Variants in STXBP5L observed in about 807,000 individuals in gnomAD.
STXBP5L encodes syntaxin binding protein 5L.
Under a neutral mutation model 144.5 loss-of-function variants are expected in STXBP5L, and 65 were observed. The observed-to-expected ratio is 0.45, with a 90% CI of 0.37 to 0.55. The LOEUF is 0.55. Among genes scored for constraint, STXBP5L ranks in the 20% least tolerant of loss-of-function variants. The pLI is 0.00. For missense variants in STXBP5L, 1,298 were observed against 1,405.5 expected (o/e 0.92, Z 1.22); for synonymous variants, 505 against 469.6 (o/e 1.08, Z -0.97).
At chr3:120,955,727 C>A (rs1409151688) in intron 3 of STXBP5L, among the ~76,000 whole-genome samples, 1 of 151,954 alleles carries the variant, frequency 6.6e-6, no homozygotes, top group Non-Finnish European at 1.5e-5. Flanking sequence ...ATTATACAAT[C>A]AAGATACAAA....
chr3:121,104,921 G>GA (rs2107793266), intron 5 of STXBP5L, among the ~76,000 whole-genome samples: 1 of 152,194 alleles, frequency 6.6e-6, no homozygotes, highest in East Asian at 1.9e-4. Context: ...CACAGCAAAA[G>GA]AAAAAATCAG....
intron 20 of STXBP5L, among the ~76,000 whole-genome samples, chr3:121,331,914 C>T (rs2108560126): frequency 6.6e-6 from 1 of 152,160 alleles, no homozygotes; most frequent in East Asian, 1.9e-4. Context: ...GCTCACACAC[C>T]AAGCACATTG....
chr3:121,238,195 A>G (rs896098278), intron 12 of STXBP5L, among the ~76,000 whole-genome samples: 18 of 152,134 alleles, frequency 1.2e-4, no homozygotes, highest in African/African-American at 3.6e-4. Context: ...TTTTTTCAAA[A>G]AAAATGTTTA....
At chr3:121,041,579 C>A (rs1011659410) in intron 3 of STXBP5L, 121 bp from the exon 4 acceptor site, 1 of 678,032 alleles carries the variant, frequency 1.5e-6, no homozygotes, top group Non-Finnish European at 2.5e-6. Flanking sequence ...GATTTTTCAA[C>A]TATTTATAAA....
chr3:121,298,651 A>C (rs2108483805), intron 19 of STXBP5L, among the ~76,000 whole-genome samples: 2 of 152,324 alleles, frequency 1.3e-5, no homozygotes, highest in South Asian at 4.1e-4. Flanking sequence ...GAAATAAGCC[A>C]GTCATAGAAG....
At chr3:121,191,504 G>A (rs955535315) in intron 9 of STXBP5L, among the ~76,000 whole-genome samples, 7 of 152,146 alleles carry the variant, frequency 4.6e-5, no homozygotes, top group African/African-American at 7.2e-5. Context: ...GTCCAGCCTC[G>A]GCTGGGCATC....
At chr3:120,992,461 C>G (rs1440595930) in intron 3 of STXBP5L, among the ~76,000 whole-genome samples, 2 of 152,120 alleles carry the variant, frequency 1.3e-5, no homozygotes, top group East Asian at 3.9e-4. Context: ...CCCATGCAGC[C>G]TTCCTCACCT....
At chr3:121,008,378 C>G (rs1007923363) in intron 3 of STXBP5L, among the ~76,000 whole-genome samples, 2 of 151,974 alleles carry the variant, frequency 1.3e-5, no homozygotes, top group Non-Finnish European at 2.9e-5. Context: ...AGCATTCCCT[C>G]CCCTGGAACT....
intron 18 of STXBP5L, among the ~76,000 whole-genome samples, chr3:121,278,944 G>A (rs1291759605): frequency 6.6e-6 from 1 of 151,430 alleles, no homozygotes; most frequent in Non-Finnish European, 1.5e-5. Context: ...GTGTAGTGAA[G>A]TGGAAAGAAC....
chr3:121,000,635 G>C (rs2108037461), intron 3 of STXBP5L, among the ~76,000 whole-genome samples: 1 of 152,284 alleles, frequency 6.6e-6, no homozygotes, highest in South Asian at 2.1e-4. Context: ...TTTCAGTTTG[G>C]TTAAGAACTA....
chr3:121,296,548 A>G (rs1391694489), intron 19 of STXBP5L, among the ~76,000 whole-genome samples: 5 of 152,204 alleles, frequency 3.3e-5, no homozygotes, highest in East Asian at 3.9e-4. Flanking sequence ...CTATGGGGCT[A>G]TGGAAGAGTG....
At chr3:120,983,269 G>A (rs1393279409) in intron 3 of STXBP5L, among the ~76,000 whole-genome samples, 1 of 152,132 alleles carries the variant, frequency 6.6e-6, no homozygotes, top group Non-Finnish European at 1.5e-5. Flanking sequence ...TGGGGGCAGG[G>A]TGGCAGCACT....
chr3:121,347,856 G>A (rs1461285310), intron 20 of STXBP5L, among the ~76,000 whole-genome samples: 1 of 152,082 alleles, frequency 6.6e-6, no homozygotes, highest in African/African-American at 2.4e-5. Context: ...GGAGATTTTG[G>A]GTTGAGACGA....
chr3:121,017,850 G>T (rs892667223), intron 3 of STXBP5L, among the ~76,000 whole-genome samples: 18 of 152,252 alleles, frequency 1.2e-4, no homozygotes, highest in Admixed American at 1.2e-3. Context: ...GCTGAGGCAG[G>T]AGGATTTCTT....
At chr3:121,029,163 G>A (rs1301205962) in intron 3 of STXBP5L, among the ~76,000 whole-genome samples, 3 of 152,062 alleles carry the variant, frequency 2.0e-5, no homozygotes, top group Non-Finnish European at 4.4e-5. Flanking sequence ...TTTCTTCACA[G>A]AATTAGAAAA....
intron 5 of STXBP5L, chr3:121,049,617 G>C (rs1044837299): frequency 6.5e-6 from 1 of 154,442 alleles, no homozygotes; most frequent in Non-Finnish European, 1.5e-5. Context: ...TGGTAGGGCT[G>C]TGGTGGTCTC....
intron 5 of STXBP5L, among the ~76,000 whole-genome samples, chr3:121,051,231 A>G (rs1372819994): frequency 1.3e-5 from 2 of 152,252 alleles, no homozygotes; most frequent in African/African-American, 2.4e-5. Context: ...TGCACCAAGC[A>G]GACCTAATAG....
At chr3:121,218,002 T>G (rs899203335) in intron 10 of STXBP5L, among the ~76,000 whole-genome samples, 13 of 144,624 alleles carry the variant, frequency 9.0e-5, no homozygotes, top group Non-Finnish European at 1.5e-5. Context: ...ATATAATATA[T>G]AGTATAATAT....
chr3:120,983,315 C>T (rs1250639081), intron 3 of STXBP5L, among the ~76,000 whole-genome samples: 1 of 152,044 alleles, frequency 6.6e-6, no homozygotes, highest in Admixed American at 6.5e-5. Flanking sequence ...TCGGGGCAGG[C>T]GTCTCTCAGT....
Sources: gnomAD v4.1 joint callset for allele counts (sites outside exome capture counted in the v4.1 genomes callset) on GRCh38, gnomAD v4.1.1 for gene constraint, MANE v1.5 for transcripts, NCBI Gene and HGNC (gene_info 2026-07-23, HGNC 2026-07-21) for gene names.